SHMT1: variants seen among roughly 807,000 people sequenced by gnomAD.
The protein encoded by SHMT1 is serine hydroxymethyltransferase 1.
In SHMT1, 45 loss-of-function variants were observed where a neutral mutation model predicts 49.0. That is an observed-to-expected ratio of 0.92 (90% CI 0.72 to 1.18). The LOEUF is 1.18. Among genes scored for constraint, SHMT1 ranks in the 50% most tolerant of loss-of-function variants. The probability of loss-of-function intolerance (pLI) is 0.00; values close to 1 mark genes in which losing one functional copy is unlikely to be tolerated. For missense variants in SHMT1, 541 were observed against 612.4 expected, an observed-to-expected ratio of 0.88 and a Z score of 1.23; for synonymous variants, 232 against 246.6, an observed-to-expected ratio of 0.94 and a Z score of 0.55.
Position 18,329,266 on chromosome 17 carries a change from T to C in SHMT1, c.1282+12A>G, listed in dbSNP as rs1457883771. ...CAATAAGATGTGGCAACTTCCAAACTTTTATCCTTACCTCTGTGAATAAAG... is the reference window on the plus strand; with the variant it reads ...CAATAAGATGTGGCAACTTCCAAACCTTTATCCTTACCTCTGTGAATAAAG... On this transcript the variant is annotated intron_variant, in intron 11 of 11. Transcript: ENST00000316694. 2 of 1,592,414 alleles carry C rather than the reference T, an allele frequency of 1.3e-6. No homozygotes were observed. Among genetic ancestry groups the C allele is most frequent in the African/African-American group, 2.7e-5 (2 of 74,474 alleles).
intron 5 of SHMT1, among the ~76,000 whole-genome samples, chr17:18,345,441 A>G (rs1984986184): frequency 6.6e-6 from 1 of 151,914 alleles, no homozygotes; most frequent in African/African-American, 2.4e-5. Context: ...TATTTTTAGT[A>G]GAGAAGGCTT....
chr17:18,354,323 G>A (rs1245750118), intron 2 of SHMT1, among the ~76,000 whole-genome samples: 6 of 152,180 alleles, frequency 3.9e-5, no homozygotes, highest in Non-Finnish European at 7.3e-5. Flanking sequence ...GGAGGCTGAG[G>A]CAGGAGAATC....
At chr17:18,350,680 C>T (rs948072137) in intron 3 of SHMT1, among the ~76,000 whole-genome samples, 1 of 151,712 alleles carries the variant, frequency 6.6e-6, no homozygotes, top group Admixed American at 6.6e-5. Flanking sequence ...AAACCCAGAA[C>T]TTTGTTTTTA....
chr17:18,339,983 A>AC (rs2151578615), intron 7 of SHMT1, 60 bp downstream of exon 7: 1 of 1,534,224 alleles, frequency 6.5e-7, no homozygotes, highest in Non-Finnish European at 8.9e-7. Context: ...CTGAATCTGA[A>AC]CCCCCACAGG....
In SHMT1 at chr17:18,328,928, C is replaced by T. The variant is rs763762145; in HGVS notation, c.1283-9G>A. The T allele has an allele frequency of 6.2e-7, 1 of 1,613,684 alleles. No homozygotes were observed. The highest frequency in any genetic ancestry group is 8.5e-7 in the Non-Finnish European group (1 of 1,179,906). On this transcript the variant is annotated splice_polypyrimidine_tract_variant and intron_variant, in intron 11 of 11. Transcript: ENST00000316694. ...CAGGGTCAGCTCTATCCCTGTGCCA[C>T]AAGACACAAATGAGTCACCCCACAC...
At chr17:18,343,310 C>G (rs1984719861) in intron 5 of SHMT1, among the ~76,000 whole-genome samples, 2 of 151,864 alleles carry the variant, frequency 1.3e-5, no homozygotes, top group Non-Finnish European at 1.5e-5. Context: ...TATTAAACTT[C>G]TATAAACATA....
chr17:18,333,107 G>A, intron 9 of SHMT1, 59 bp downstream of exon 9: 1 of 1,605,492 alleles, frequency 6.2e-7, no homozygotes, highest in East Asian at 2.2e-5. Flanking sequence ...CACAAACTGA[G>A]AAGCAAGCCT....
At position 18,351,286 on chromosome 17, in the gene SHMT1, G is replaced by A. The variant is rs545342825; in HGVS notation, c.242+2386C>T. Among the ~76,000 whole-genome samples the A allele has an allele frequency of 6.3e-4, 95 of 151,890 alleles. 2 individuals are homozygous for A. In the South Asian group the frequency reaches 0.019, roughly 30 times the overall value. ...CTCCCGAGTAGCTGGGACTACAGGCGCCAGCCACCACACCTGGCTAATTTT... is the reference window on the plus strand; with the variant it reads ...CTCCCGAGTAGCTGGGACTACAGGCACCAGCCACCACACCTGGCTAATTTT... On this transcript the variant is annotated intron_variant, in intron 3 of 11. Transcript: ENST00000316694.
chr17:18,358,432 G>A (rs1986458262), intron 1 of SHMT1, among the ~76,000 whole-genome samples: 1 of 151,582 alleles, frequency 6.6e-6, no homozygotes, highest in Non-Finnish European at 1.5e-5. Flanking sequence ...AGAGGTTGCA[G>A]TGAGCCAAGA....
intron 7 of SHMT1, among the ~76,000 whole-genome samples, chr17:18,337,511 T>C (rs1482489891): frequency 6.6e-6 from 1 of 152,048 alleles, no homozygotes; most frequent in Non-Finnish European, 1.5e-5. Flanking sequence ...AAGAAGACCC[T>C]GCCTCGGGTA....
chr17:18,347,674 G>C lies in SHMT1; in HGVS notation c.359-18C>G, dbSNP rs2151590800. The C allele has an allele frequency of 1.2e-6, 2 of 1,614,052 alleles. No homozygotes were observed. Among genetic ancestry groups the C allele is most frequent in the Non-Finnish European group, 1.7e-6 (2 of 1,179,972 alleles). On this transcript the variant is annotated intron_variant, in intron 4 of 11. Transcript: ENST00000316694. ...AGGGGAGCCTGAAACGAGTGGACCAGAGGAGACATGATTATTTCTAACTGA... is the reference window on the plus strand; with the variant it reads ...AGGGGAGCCTGAAACGAGTGGACCACAGGAGACATGATTATTTCTAACTGA...
chr17:18,333,088 T>TC (rs896950605), intron 9 of SHMT1, 78 bp downstream of exon 9: 1 of 1,569,960 alleles, frequency 6.4e-7, no homozygotes, highest in African/African-American at 1.4e-5. Flanking sequence ...CTGGGCCACA[T>TC]CCTGGTTGCA....
chr17:18,362,022 TG>T (rs1232405944), intron 1 of SHMT1, among the ~76,000 whole-genome samples: 1 of 152,218 alleles, frequency 6.6e-6, no homozygotes, highest in Non-Finnish European at 1.5e-5. Context: ...AAATCTTACC[TG>T]GGCCTCTGTC....
chr17:18,357,514 AT>A (rs1403157995), intron 1 of SHMT1, among the ~76,000 whole-genome samples: 1 of 152,106 alleles, frequency 6.6e-6, no homozygotes, highest in Non-Finnish European at 1.5e-5. Flanking sequence ...TTTATAAATG[AT>A]AATGTAAGTA....
chr17:18,337,541 G>GCCGTCT (rs1983922139), intron 7 of SHMT1, among the ~76,000 whole-genome samples: 1 of 140,568 alleles, frequency 7.1e-6, no homozygotes, highest in African/African-American at 2.8e-5. Flanking sequence ...TAGTCGAACA[G>GCCGTCT]CCCTCTCCCT....
At chr17:18,353,843 A>G (rs1230007560) in intron 2 of SHMT1, 26 bp from the exon 3 acceptor site, 1 of 1,612,262 alleles carries the variant, frequency 6.2e-7, no homozygotes, top group East Asian at 2.2e-5. Flanking sequence ...CAGATGCTTG[A>G]TATTTGGAAA....
rs1982862832 is a variant in SHMT1 at position 18,328,938 on chromosome 17, A to ATATT, written c.1283-20_1283-19insAATA. The ATATT allele has an allele frequency of 3.7e-6, 6 of 1,613,530 alleles. No homozygotes were observed. The highest frequency in any genetic ancestry group is 5.1e-6 in the Non-Finnish European group (6 of 1,179,878). ...TCTATCCCTGTGCCACAAGACACAA[A>ATATT]TGAGTCACCCCACACTACACACCAA... On this transcript the variant is annotated intron_variant, in intron 11 of 11. Transcript: ENST00000316694.
chr17:18,352,873 G>C (rs1377860887), intron 3 of SHMT1, among the ~76,000 whole-genome samples: 1 of 151,492 alleles, frequency 6.6e-6, no homozygotes, highest in African/African-American at 2.4e-5. Flanking sequence ...ACCTTAGCCT[G>C]AAAGAAGAAA....
rs531209837 is a variant in SHMT1 at position 18,361,161 on chromosome 17, C to G, written c.-20+2211G>C. On this transcript the variant is annotated intron_variant, in intron 1 of 11. Coordinates refer to ENST00000316694, the MANE Select transcript of SHMT1 (RefSeq NM_004169.5). Reference sequence around the variant, plus strand: ...TCTCTACTAAAAATACAAAAATGAGCTGGGTGTGTGGTGCGCACCTGTAAC... The same window carrying G: ...TCTCTACTAAAAATACAAAAATGAGGTGGGTGTGTGGTGCGCACCTGTAAC... 2.0e-5 allele frequency among the ~76,000 whole-genome samples: 3 copies of G among 152,018 alleles called. No homozygotes were observed. The East Asian group carries it at 5.8e-4, about 29-fold the overall frequency.
Sources: allele counts gnomAD v4.1 joint callset (sites outside exome capture counted in the v4.1 genomes callset), GRCh38; gene constraint gnomAD v4.1.1; transcripts MANE v1.5; gene names NCBI Gene and HGNC (gene_info 2026-07-23, HGNC 2026-07-21).